Variants in MGAT4C observed in about 807,000 individuals in gnomAD.
The protein encoded by MGAT4C is MGAT4 family member C, also known as alpha-1,3-mannosyl-glycoprotein 4-beta-N-acetylglucosaminyltransferase C.
A neutral mutation model predicts 40.1 loss-of-function variants in MGAT4C; 19 were observed. That is an observed-to-expected ratio of 0.47 (90% confidence interval 0.33 to 0.70). The LOEUF (loss-of-function observed/expected upper bound fraction) is 0.70, where lower values mean the gene tolerates loss of function less well. MGAT4C is among the 30% of genes least tolerant of loss of function. MGAT4C has a pLI of 0.02. For missense variants in MGAT4C, 491 were observed against 563.2 expected (o/e 0.87, Z 1.30); for synonymous variants, 181 against 187.1 (o/e 0.97, Z 0.27).
chr12:86,436,048 C>T (rs1418768580), intron 2 of MGAT4C, among the ~76,000 whole-genome samples: 3 of 151,788 alleles, frequency 2.0e-5, no homozygotes, highest in Non-Finnish European at 4.4e-5. Flanking sequence ...CTAAGCAATA[C>T]ATTGATCTTA....
At chr12:86,468,671 C>A (rs1035480273) in intron 2 of MGAT4C, among the ~76,000 whole-genome samples, 1 of 152,114 alleles carries the variant, frequency 6.6e-6, no homozygotes, top group Non-Finnish European at 1.5e-5. Flanking sequence ...ACTTTCTCTT[C>A]TACAACATTT....
intron 2 of MGAT4C, among the ~76,000 whole-genome samples, chr12:86,641,367 T>G (rs1963381115): frequency 1.4e-5 from 2 of 147,256 alleles, no homozygotes; most frequent in Admixed American, 6.9e-5. Flanking sequence ...TGGGGACTGT[T>G]GTGGGGTGGG....
chr12:86,353,030 A>AT (rs1955206769), intron 3 of MGAT4C, among the ~76,000 whole-genome samples: 5 of 145,720 alleles, frequency 3.4e-5, no homozygotes, highest in African/African-American at 1.2e-4. Flanking sequence ...TAATAAAATA[A>AT]AAAAATAAAT....
intron 2 of MGAT4C, among the ~76,000 whole-genome samples, chr12:86,723,998 A>C (rs186991110): frequency 1.3e-5 from 2 of 152,276 alleles, no homozygotes; most frequent in African/African-American, 2.4e-5. Flanking sequence ...AGGAAAGCAA[A>C]GTTTTTCCTT....
chr12:86,605,663 T>C (rs539650629), intron 2 of MGAT4C, among the ~76,000 whole-genome samples: 1 of 152,276 alleles, frequency 6.6e-6, no homozygotes, highest in South Asian at 2.1e-4. Context: ...AGCTGAGCAA[T>C]GGTGAGTACT....
At chr12:86,124,380 T>A (rs1249841575) in intron 1 of MGAT4C, among the ~76,000 whole-genome samples, 1 of 152,156 alleles carries the variant, frequency 6.6e-6, no homozygotes, top group African/African-American at 2.4e-5. Context: ...AAACACAGAA[T>A]AATGGAAAGA....
rs145170071 is a variant in MGAT4C at position 86,365,529 on chromosome 12, G to A, written c.-119-31402C>T. Among the ~76,000 whole-genome samples, 1,000 of 152,292 alleles carry A rather than the reference G, an allele frequency of 6.6e-3. 10 individuals carry two copies. The highest frequency in any genetic ancestry group is 0.023 in the African/African-American group (955 of 41,542). On this transcript the variant is annotated intron_variant, in intron 3 of 7. Coordinates refer to the MGAT4C transcript ENST00000548651. ...GAAATCTTCACATTTTATGTTCAGA[G>A]ATTGCAGTAAAGACAAGCATAAGAA... is the stretch of plus-strand genomic sequence containing the variant.
At chr12:86,621,740 A>T (rs1269663807) in intron 2 of MGAT4C, among the ~76,000 whole-genome samples, 1 of 152,208 alleles carries the variant, frequency 6.6e-6, no homozygotes, top group African/African-American at 2.4e-5. Flanking sequence ...AGTCTCCAAA[A>T]ATATGAGGAT....
chr12:86,396,485 G>A (rs959326158), intron 3 of MGAT4C, among the ~76,000 whole-genome samples: 3 of 152,152 alleles, frequency 2.0e-5, no homozygotes, highest in Non-Finnish European at 4.4e-5. Flanking sequence ...TTGACCCGCA[G>A]CAGGAAATTA....
intron 1 of MGAT4C, among the ~76,000 whole-genome samples, chr12:86,223,906 A>G (rs939404058): frequency 1.3e-5 from 2 of 152,042 alleles, no homozygotes; most frequent in Non-Finnish European, 2.9e-5. Flanking sequence ...TAGCACTACC[A>G]CTTGTGTTCC....
chr12:86,642,958 A>G (rs1030598076), intron 2 of MGAT4C, among the ~76,000 whole-genome samples: 1 of 151,746 alleles, frequency 6.6e-6, no homozygotes, highest in African/African-American at 2.4e-5. Context: ...AAAATGCCTT[A>G]ACAGTCTTCA....
At position 86,729,937 on chromosome 12, in the gene MGAT4C, A is replaced by C. The variant is rs184646188; in HGVS notation, c.-261-2696T>G. ...TTATACTGTTCAAGACAAATTTGTA[A>C]AAATAAATCACTTCTCATTTTTTTG... On this transcript the variant is annotated intron_variant, in intron 1 of 7. Transcript: ENST00000548651. 2.2e-3 allele frequency among the ~76,000 whole-genome samples: 329 copies of C among 152,196 alleles called. 4 individuals carry two copies. In the Middle Eastern group the frequency reaches 0.058, roughly 27 times the overall value.
chr12:86,049,935 C>G (rs1033292925), intron 1 of MGAT4C, among the ~76,000 whole-genome samples: 4 of 151,538 alleles, frequency 2.6e-5, no homozygotes, highest in African/African-American at 9.7e-5. Context: ...ATAGACATAC[C>G]TTTGTATTAA....
intron 2 of MGAT4C, among the ~76,000 whole-genome samples, chr12:86,526,096 T>C (rs1012405169): frequency 6.6e-6 from 1 of 152,128 alleles, no homozygotes; most frequent in Admixed American, 6.5e-5. Flanking sequence ...TAACTGTGCA[T>C]GGAGTCAGGT....
At chr12:86,609,802 A>C (rs1437060236) in intron 2 of MGAT4C, among the ~76,000 whole-genome samples, 2 of 152,042 alleles carry the variant, frequency 1.3e-5, no homozygotes, top group East Asian at 3.9e-4. Flanking sequence ...AAAAAAAAAA[A>C]ACTTGCAAAC....
chr12:86,494,449 T>G (rs1031763789), intron 2 of MGAT4C, among the ~76,000 whole-genome samples: 7 of 151,922 alleles, frequency 4.6e-5, no homozygotes, highest in Non-Finnish European at 8.8e-5. Flanking sequence ...TATAGACAAC[T>G]CCTATTTTTA....
chr12:86,136,526 C>T (rs950221609), intron 1 of MGAT4C, among the ~76,000 whole-genome samples: 3 of 152,066 alleles, frequency 2.0e-5, no homozygotes, highest in Non-Finnish European at 4.4e-5. Flanking sequence ...AGTTACATCA[C>T]GAAGACGTTA....
chr12:86,323,609 C>T (rs1954448516), intron 4 of MGAT4C, among the ~76,000 whole-genome samples: 1 of 151,722 alleles, frequency 6.6e-6, no homozygotes, highest in Non-Finnish European at 1.5e-5. Flanking sequence ...AATCACTTAA[C>T]AGAAATTCAC....
At chr12:86,794,871 T>C (rs1411805501) in intron 1 of MGAT4C, among the ~76,000 whole-genome samples, 1 of 151,850 alleles carries the variant, frequency 6.6e-6, no homozygotes, top group Non-Finnish European at 1.5e-5. Flanking sequence ...GTAGCTATAT[T>C]TTAGCCACAC....
Sources: gnomAD v4.1 joint callset for allele counts (sites outside exome capture counted in the v4.1 genomes callset) on GRCh38, gnomAD v4.1.1 for gene constraint, MANE v1.5 for transcripts, NCBI Gene and HGNC (gene_info 2026-07-23, HGNC 2026-07-21) for gene names.